NDE1: variants seen among roughly 807,000 people sequenced by gnomAD.
The protein encoded by NDE1 is nudE neurodevelopment protein 1.
NDE1 carries 28 observed loss-of-function variants against 43.4 expected under a neutral mutation model. That is an observed-to-expected ratio of 0.65 (90% CI 0.48 to 0.89). NDE1 has a LOEUF of 0.89. Among genes scored for constraint, NDE1 ranks in the 40% least tolerant of loss-of-function variants. The pLI, the probability that NDE1 is intolerant of heterozygous loss-of-function variation, is 0.00. For synonymous variants in NDE1, 184 were observed against 172.0 expected, an observed-to-expected ratio of 1.07 and a Z score of -0.55; for missense variants, 441 against 434.1, an observed-to-expected ratio of 1.02 and a Z score of -0.14.
upstream of NDE1, among the ~76,000 whole-genome samples, chr16:15,645,932 A>T (rs1004924461): frequency 1.3e-5 from 2 of 152,220 alleles, no homozygotes; most frequent in African/African-American, 2.4e-5. Flanking sequence ...GGAAGGACCT[A>T]AGGAAGTTAA....
At chr16:15,679,856 G>GC (rs1198677064) in intron 4 of NDE1, among the ~76,000 whole-genome samples, 2 of 152,138 alleles carry the variant, frequency 1.3e-5, no homozygotes, top group African/African-American at 4.8e-5. Context: ...TCTGCTCACT[G>GC]CAACTTCCAC....
chr16:15,716,942 C>T (rs1596703279), intron 8 of NDE1, among the ~76,000 whole-genome samples: 1 of 152,230 alleles, frequency 6.6e-6, no homozygotes, highest in Non-Finnish European at 1.5e-5. Flanking sequence ...ACTTTAGGTG[C>T]TTGCCCTAGG....
At position 15,693,083 on chromosome 16, in the gene NDE1, C is replaced by A. The variant is rs1332380762; in HGVS notation, c.704-1082C>A. 2.0e-5 allele frequency among the ~76,000 whole-genome samples: 3 copies of A among 151,974 alleles called. No homozygotes were observed. In the East Asian group the frequency reaches 5.8e-4, roughly 29 times the overall value. ...CGGCATTGATCTTGGCTCACTGCAG[C>A]CTCTGCCTCCTGGATTCAAGCGATT... On this transcript the variant is annotated intron_variant, in intron 6 of 8. Coordinates refer to ENST00000396354, the MANE Select transcript of NDE1 (RefSeq NM_017668.3).
At chr16:15,658,308 C>G (rs1363507573) in intron 1 of NDE1, among the ~76,000 whole-genome samples, 1 of 152,196 alleles carries the variant, frequency 6.6e-6, no homozygotes, top group Non-Finnish European at 1.5e-5. Flanking sequence ...TGGGTTAGGC[C>G]CATCCTTAAG....
chr16:15,646,401 G>A (rs550025754), upstream of NDE1, among the ~76,000 whole-genome samples: 1 of 152,078 alleles, frequency 6.6e-6, no homozygotes, highest in East Asian at 2.0e-4. Context: ...AACCAACATG[G>A]TGAAACCCTG....
chr16:15,691,517 G>A (rs546884269), intron 6 of NDE1, among the ~76,000 whole-genome samples, 194 bp downstream of exon 6: 118 of 152,224 alleles, frequency 7.8e-4, no homozygotes, highest in Non-Finnish European at 1.5e-3. Context: ...GTAAGAGGCA[G>A]TAGTGGAGTC....
At chr16:15,645,690 T>A (rs895644670), upstream of NDE1, among the ~76,000 whole-genome samples, 2 of 152,252 alleles carry the variant, frequency 1.3e-5, no homozygotes, top group African/African-American at 4.8e-5. Flanking sequence ...GTATTCCTGT[T>A]TCTTTGCTGG....
intron 4 of NDE1, among the ~76,000 whole-genome samples, chr16:15,678,623 G>A (rs951712617): frequency 2.0e-5 from 3 of 152,106 alleles, no homozygotes; most frequent in Non-Finnish European, 2.9e-5. Flanking sequence ...TTACAGGTGT[G>A]AGCCACTGCG....
intron 4 of NDE1, among the ~76,000 whole-genome samples, chr16:15,681,779 C>A (rs1251857599): frequency 1.3e-5 from 2 of 152,100 alleles, no homozygotes; most frequent in Non-Finnish European, 2.9e-5. Context: ...GGTGCAGGAT[C>A]TCGGCTAACT....
intron 2 of NDE1, among the ~76,000 whole-genome samples, chr16:15,666,090 C>G (rs923066342): frequency 6.6e-6 from 1 of 152,014 alleles, no homozygotes; most frequent in South Asian, 2.1e-4. Flanking sequence ...TTTATCAGTT[C>G]CTAGATGCCA....
intron 3 of NDE1, among the ~76,000 whole-genome samples, chr16:15,675,854 G>T (rs962450767): frequency 6.6e-6 from 1 of 152,164 alleles, no homozygotes; most frequent in African/African-American, 2.4e-5. Context: ...AAGGACACCT[G>T]CTCAGGAGGC....
At chr16:15,657,803 T>C (rs141442022) in intron 1 of NDE1, among the ~76,000 whole-genome samples, 1,916 of 152,198 alleles carry the variant, frequency 0.013, 22 homozygotes, top group South Asian at 0.06. Context: ...GGTTTCACCA[T>C]GTTGCCCAGG....
At chr16:15,646,696 A>G (rs1014812664), upstream of NDE1, among the ~76,000 whole-genome samples, 2 of 152,064 alleles carry the variant, frequency 1.3e-5, no homozygotes, top group African/African-American at 4.8e-5. Context: ...GCACCACTGC[A>G]CTCTAGCCTG....
At chr16:15,718,253 G>C (rs2040272368) in intron 8 of NDE1, 1 of 1,602,606 alleles carries the variant, frequency 6.2e-7, no homozygotes, top group Non-Finnish European at 8.5e-7. Flanking sequence ...GTTGACTGGT[G>C]CAGGATCCTG....
At chr16:15,674,576 G>C (rs938524747) in intron 3 of NDE1, among the ~76,000 whole-genome samples, 3 of 152,068 alleles carry the variant, frequency 2.0e-5, no homozygotes, top group African/African-American at 4.8e-5. Context: ...CCAGAGATTG[G>C]AATGTTCTTT....
Position 15,718,979 on chromosome 16 carries a change from T to C in NDE1, c.948-5212T>C, listed in dbSNP as rs1010383305. 3.4e-5 allele frequency: 18 copies of C among 523,334 alleles called. No individual in the cohort carries two copies. The South Asian group carries it at 3.4e-4, about 10-fold the overall frequency. 32.4% of individuals were successfully genotyped at this position (523,334 alleles called of 1,614,324 possible). ...CCCACCTCTACTAAAAATATAAAAA[T>C]TAGCCAGGCATGGTGGTACACACCT... On this transcript the variant is annotated intron_variant, in intron 8 of 8. Transcript: ENST00000396354.
intron 8 of NDE1, among the ~76,000 whole-genome samples, chr16:15,709,319 G>A (rs2039647922): frequency 1.3e-5 from 2 of 151,592 alleles, no homozygotes; most frequent in East Asian, 2.0e-4. Flanking sequence ...GCTGGTAGAT[G>A]AAAGGATAAG....
chr16:15,695,649 A>G (rs2038976260), intron 7 of NDE1: 2 of 985,288 alleles, frequency 2.0e-6, no homozygotes, highest in South Asian at 9.4e-5. Flanking sequence ...AGAAGGCCAC[A>G]TAATTTAACT....
chr16:15,678,933 G>C (rs955836416), intron 4 of NDE1, among the ~76,000 whole-genome samples: 2 of 151,808 alleles, frequency 1.3e-5, no homozygotes, highest in African/African-American at 4.8e-5. Flanking sequence ...AAAATTAGCC[G>C]GGCGTGGTGG....
Sources: gnomAD v4.1 joint callset for allele counts (sites outside exome capture counted in the v4.1 genomes callset) on GRCh38, gnomAD v4.1.1 for gene constraint, MANE v1.5 for transcripts, NCBI Gene and HGNC (gene_info 2026-07-23, HGNC 2026-07-21) for gene names.